Variants in VPS50 observed in about 807,000 individuals in gnomAD.
VPS50 encodes VPS50 subunit of EARP/GARPII complex.
VPS50 carries 70 observed loss-of-function variants against 139.7 expected under a neutral mutation model. That is an observed-to-expected ratio of 0.50 (90% CI 0.41 to 0.61). The LOEUF is 0.61. VPS50 is among the 20% of genes least tolerant of loss of function. The pLI, the probability that VPS50 is intolerant of heterozygous loss-of-function variation, is 0.00. For synonymous variants in VPS50, 365 were observed against 376.7 expected, an observed-to-expected ratio of 0.97 and a Z score of 0.36; for missense variants, 921 against 1,133.7, an observed-to-expected ratio of 0.81 and a Z score of 2.69.
At position 93,276,051 on chromosome 7, in the gene VPS50, T is replaced by C. The variant is rs1371299403; in HGVS notation, c.802-114T>C. 15 of 984,368 alleles carry C rather than the reference T, an allele frequency of 1.5e-5. No individual in the cohort carries two copies. The South Asian group carries it at 2.1e-4, about 14-fold the overall frequency. 61.0% of individuals were successfully genotyped at this position (984,368 alleles called of 1,614,324 possible). On this transcript the variant is annotated intron_variant, in intron 11 of 27. Transcript: ENST00000305866. ...CAGTATAATTCTGGGAAAACTATTA[T>C]CTTTGTGTTGTAACTATTATTTGAA...
At chr7:93,330,761 C>CAAA (rs57338525) in intron 21 of VPS50, among the ~76,000 whole-genome samples, 16,828 of 81,760 alleles carry the variant, frequency 0.21, 2,151 homozygotes, top group East Asian at 0.38. Flanking sequence ...GACCCTGTCT[C>CAAA]AAAAAAAAAA....
intron 9 of VPS50, among the ~76,000 whole-genome samples, chr7:93,266,773 A>G (rs1226099968): frequency 6.6e-6 from 1 of 152,210 alleles, no homozygotes; most frequent in East Asian, 1.9e-4. Context: ...GATTGAATTC[A>G]TGTTTCTAAA....
Position 93,342,347 on chromosome 7 carries a change from A to T in VPS50, c.2207+772A>T, listed in dbSNP as rs535701699. ...GTCCCATGCCCACGAAGTCTCGCTG[A>T]TTGCTAGCACAGCAGTCTGAGATCA... is the stretch of plus-strand genomic sequence containing the variant. On this transcript the variant is annotated intron_variant, in intron 23 of 27. Coordinates refer to ENST00000305866, the MANE Select transcript of VPS50 (RefSeq NM_017667.4). Among the ~76,000 whole-genome samples, 55 of 152,326 alleles carry T rather than the reference A, an allele frequency of 3.6e-4. 1 individual carries two copies. The highest frequency in any genetic ancestry group is 1.7e-3 in the Admixed American group (26 of 15,302).
chr7:93,240,249 A>ACTCTCT (rs4015280), intron 2 of VPS50, among the ~76,000 whole-genome samples: 2 of 109,312 alleles, frequency 1.8e-5, no homozygotes, highest in African/African-American at 4.1e-5. Flanking sequence ...ACACACACAC[A>ACTCTCT]CTCTCTCTCT....
chr7:93,276,704 T>G (rs1250120599), intron 12 of VPS50, among the ~76,000 whole-genome samples: 1 of 152,186 alleles, frequency 6.6e-6, no homozygotes, highest in Non-Finnish European at 1.5e-5. Context: ...CTGTAACTGG[T>G]TTTTTCTTTT....
Position 93,253,929 on chromosome 7 carries a change from G to T in VPS50, c.295G>T (p.Ala99Ser), listed in dbSNP as rs775881242. 2 of 1,561,816 alleles carry T rather than the reference G, an allele frequency of 1.3e-6. No homozygotes were observed. The highest frequency in any genetic ancestry group is 1.8e-6 in the Non-Finnish European group (2 of 1,140,688). The change falls in exon 4 of 28, where the codon GCA (alanine) becomes TCA (serine). Residue 99 changes from alanine to serine, a missense_variant and splice_region_variant. Physicochemically the swap from Ala to Ser is moderately conservative, Grantham distance 99. Around this residue, in one of 3 missense-constraint regions of VPS50, gnomAD observed 744 missense variants for 930.6 expected, o/e 0.80. Coordinates refer to ENST00000305866, the MANE Select transcript of VPS50 (RefSeq NM_017667.4). ...YRDKLKQQQA[A>S]VSKKVADLIL... is the part of the protein sequence containing the mutation. Reference sequence around the variant, plus strand: ...AGACAAATTGAAACAACAGCAAGCTGCAGTAAGTAAAAAAAAAACACATTT... The same window carrying T: ...AGACAAATTGAAACAACAGCAAGCTTCAGTAAGTAAAAAAAAAACACATTT...
intron 18 of VPS50, 38 bp from the exon 19 acceptor site, chr7:93,308,786 C>A: frequency 1.7e-6 from 2 of 1,175,272 alleles, no homozygotes; most frequent in Non-Finnish European, 2.5e-6. Context: ...AAAAGAGGCC[C>A]TTTATACTCA....
intron 23 of VPS50, among the ~76,000 whole-genome samples, chr7:93,344,147 A>ATC (rs1443294053): frequency 6.6e-6 from 1 of 152,216 alleles, no homozygotes; most frequent in Non-Finnish European, 1.5e-5. Flanking sequence ...CTACCAAGCA[A>ATC]ATCGAAAACA....
chr7:93,265,488 G>A (rs1795814228), intron 9 of VPS50, among the ~76,000 whole-genome samples: 1 of 152,192 alleles, frequency 6.6e-6, no homozygotes, highest in Admixed American at 6.5e-5. Context: ...TAGAATTACA[G>A]TTAATAAAGT....
chr7:93,235,734 T>C (rs1489519716), intron 1 of VPS50, among the ~76,000 whole-genome samples: 4 of 152,180 alleles, frequency 2.6e-5, no homozygotes, highest in Non-Finnish European at 5.9e-5. Context: ...GGAAGGGACA[T>C]GGTTTTTGGA....
At chr7:93,332,492 A>G (rs1234055530) in intron 21 of VPS50, among the ~76,000 whole-genome samples, 8 of 152,246 alleles carry the variant, frequency 5.3e-5, no homozygotes, top group Non-Finnish European at 1.2e-4. Context: ...CATGGAACAA[A>G]TAGAATTCAC....
intron 24 of VPS50, among the ~76,000 whole-genome samples, chr7:93,349,008 A>G (rs576090455): frequency 5.9e-5 from 9 of 152,278 alleles, no homozygotes; most frequent in Admixed American, 4.6e-4. Flanking sequence ...TAGACTAGTG[A>G]GAGAGAGAGC....
chr7:93,243,289 C>T (rs1795050037), intron 2 of VPS50, among the ~76,000 whole-genome samples: 1 of 151,900 alleles, frequency 6.6e-6, no homozygotes, highest in African/African-American at 2.4e-5. Context: ...CAGTGGTGCC[C>T]AAACTTTGCT....
At chr7:93,348,628 G>T in intron 23 of VPS50, 83 bp from the exon 24 acceptor site, 1 of 942,826 alleles carries the variant, frequency 1.1e-6, no homozygotes. Context: ...GCTCAGAAAT[G>T]TTAAAAAATA....
chr7:93,360,632 AC>A lies in VPS50; in HGVS notation c.*2197del, dbSNP rs1158725111. ...AAGCTGAGAATGTAAATGGAATTAT[AC>A]GTGTTCCAAAAACTATCATTACCAA... On this transcript the variant is annotated 3_prime_UTR_variant, in exon 28 of 28. Coordinates refer to ENST00000305866, the MANE Select transcript of VPS50 (RefSeq NM_017667.4). 1 of 152,062 alleles carries A rather than the reference AC, an allele frequency of 6.6e-6. No individual in the cohort carries two copies. Among genetic ancestry groups the A allele is most frequent in the Non-Finnish European group, 1.5e-5 (1 of 67,968 alleles). 9.4% of individuals were successfully genotyped at this position (152,062 alleles called of 1,614,324 possible).
chr7:93,334,201 A>C lies in VPS50; in HGVS notation c.2058+4A>C, dbSNP rs1214569427. On this transcript the variant is annotated splice_donor_region_variant and intron_variant, in intron 22 of 27. Transcript: ENST00000305866. ...ACAAGAAAGCCTTATTGATCTAGTAAGTAACGAATTGGAATAAATTCTTTT... is the reference window on the plus strand; with the variant it reads ...ACAAGAAAGCCTTATTGATCTAGTACGTAACGAATTGGAATAAATTCTTTT... 1 of 1,442,692 alleles carries C rather than the reference A, an allele frequency of 6.9e-7. No homozygotes were observed. Among genetic ancestry groups the C allele is most frequent in the Non-Finnish European group, 9.6e-7 (1 of 1,037,824 alleles). 89.4% of individuals were successfully genotyped at this position (1,442,692 alleles called of 1,614,324 possible).
At chr7:93,339,854 A>G (rs1038144566) in intron 22 of VPS50, among the ~76,000 whole-genome samples, 5 of 152,178 alleles carry the variant, frequency 3.3e-5, no homozygotes, top group African/African-American at 9.6e-5. Flanking sequence ...TTTTTGTACT[A>G]TGAGCTATTG....
intron 12 of VPS50, among the ~76,000 whole-genome samples, chr7:93,283,365 T>C (rs928013408): frequency 6.6e-6 from 1 of 151,872 alleles, no homozygotes; most frequent in Non-Finnish European, 1.5e-5. Context: ...GCTTCCCAAG[T>C]AGTTGGGATT....
intron 16 of VPS50, among the ~76,000 whole-genome samples, chr7:93,299,699 ACT>A (rs1796920199): frequency 1.3e-5 from 2 of 152,128 alleles, no homozygotes; most frequent in African/African-American, 4.8e-5. Context: ...TTTGCATTCC[ACT>A]CTCTTTTTCT....
Sources: gnomAD v4.1 joint callset for allele counts (sites outside exome capture counted in the v4.1 genomes callset) on GRCh38, gnomAD v4.1.1 for gene constraint, gnomAD v4.1.1 regional missense constraint, MANE v1.5 for transcripts, NCBI Gene and HGNC (gene_info 2026-07-23, HGNC 2026-07-21) for gene names.